Variants in ZNF571 observed in about 807,000 individuals in gnomAD.
ZNF571 encodes the protein zinc finger protein 571.
In ZNF571, 4 loss-of-function variants were observed where a neutral mutation model predicts 7.7. That is an observed-to-expected ratio of 0.52 (90% CI 0.25 to 1.18). The LOEUF is 1.18. Among genes scored for constraint, ZNF571 ranks in the 50% most tolerant of loss-of-function variants. The pLI is 0.14. For missense variants in ZNF571, 704 were observed against 726.9 expected, an observed-to-expected ratio of 0.97 and a Z score of 0.36; for synonymous variants, 251 against 232.4, an observed-to-expected ratio of 1.08 and a Z score of -0.73.
In ZNF571 at chr19:37,579,206, GC is replaced by G. The variant is rs2043357344; in HGVS notation, c.136+4764del. The stretch of plus-strand genomic sequence containing the variant: ...ACCTGTCCCACCTCCCCACATCATA[GC>G]CAGCACCTGAACTCTGGGCTAGCCC... On this transcript the variant is annotated intron_variant, in intron 3 of 3. Transcript: ENST00000451802. Among the ~76,000 whole-genome samples the G allele has an allele frequency of 1.3e-5, 2 of 152,202 alleles. 1 individual carries two copies. Among genetic ancestry groups the G allele is most frequent in the South Asian group, 4.1e-4 (2 of 4,832 alleles).
intron 1 of ZNF571, among the ~76,000 whole-genome samples, chr19:37,591,728 G>A (rs1396733551): frequency 6.6e-6 from 1 of 151,980 alleles, no homozygotes; most frequent in African/African-American, 2.4e-5. Flanking sequence ...ATTTTTAGTA[G>A]AGACGGGGTT....
rs1315277277 is a variant in ZNF571 at position 37,565,854 on chromosome 19, C to T, written c.574G>A (p.Glu192Lys). The change falls in exon 4 of 4, where the codon GAG (glutamate) becomes AAG (lysine). Residue 192 changes from glutamate (E) to lysine (K), a missense_variant. Physicochemically the swap from Glu to Lys is moderately conservative, Grantham distance 56. Transcript: ENST00000451802. ...YIQHQRIQTGEKPYECMECGK... is the reference protein window; with the variant it reads ...YIQHQRIQTGKKPYECMECGK... ...CATTCCATACACTCATAAGGTTTCT[C>T]ACCAGTCTGAATTCTCTGATGTTGA... 6.2e-7 allele frequency: 1 copy of T among 1,613,900 alleles called. No individual in the cohort carries two copies. The highest frequency in any genetic ancestry group is 8.5e-7 in the Non-Finnish European group (1 of 1,179,874).
rs1168780190 is a variant in ZNF571 at position 37,586,710 on chromosome 19, TCTC to T, written c.-37_-35del. The T allele has an allele frequency of 5.6e-6, 9 of 1,613,726 alleles. No homozygotes were observed. The African/African-American group carries it at 9.3e-5, about 17-fold the overall frequency. ...AGAACTGATCAATTTTCTGGGTTCTTCTCCTGGAGGTGTGCAAAGTCCAGAGAA... is the reference window on the plus strand; with the variant it reads ...AGAACTGATCAATTTTCTGGGTTCTTCTGGAGGTGTGCAAAGTCCAGAGAA... On this transcript the variant is annotated 5_prime_UTR_variant, in exon 2 of 4. Coordinates refer to ENST00000451802, the MANE Select transcript of ZNF571 (RefSeq NM_016536.5).
At position 37,564,350 on chromosome 19, in the gene ZNF571, T is replaced by C. The variant is rs1283570546; in HGVS notation, c.*248A>G. The C allele has an allele frequency of 5.9e-6, 2 of 339,188 alleles. No homozygotes were observed. The highest frequency in any genetic ancestry group is 4.6e-5 in the East Asian group (1 of 21,670). 21.0% of individuals were successfully genotyped at this position (339,188 alleles called of 1,614,324 possible). A position where few individuals can be genotyped will look rare whatever the true frequency, so the allele number is the denominator to read the frequency against. ...TAGAAAAGAACACACAAGAAATATA[T>C]AGGATTTCAGTTAGGATATGGTGAA... is the stretch of plus-strand genomic sequence containing the variant. On this transcript the variant is annotated 3_prime_UTR_variant, in exon 4 of 4. Transcript: ENST00000451802.
chr19:37,576,890 A>G (rs1296962548), intron 3 of ZNF571, among the ~76,000 whole-genome samples: 4 of 152,134 alleles, frequency 2.6e-5, no homozygotes, highest in Admixed American at 2.6e-4. Flanking sequence ...AACACAAAGG[A>G]CTTGGCAGTG....
At chr19:37,584,950 C>G (rs928063822) in intron 2 of ZNF571, 1 of 137,836 alleles carries the variant, frequency 7.3e-6, no homozygotes, top group Non-Finnish European at 1.5e-5. Flanking sequence ...GGCCACAGAG[C>G]GAGACTCCGT....
intron 1 of ZNF571, among the ~76,000 whole-genome samples, chr19:37,592,280 A>C (rs2043890240): frequency 1.3e-5 from 2 of 152,174 alleles, no homozygotes; most frequent in Admixed American, 6.5e-5. Flanking sequence ...CTTGGTATCA[A>C]TCATAAGTGG....
intron 1 of ZNF571, among the ~76,000 whole-genome samples, chr19:37,590,172 C>T (rs1307235276): frequency 6.6e-6 from 1 of 151,842 alleles, no homozygotes; most frequent in Non-Finnish European, 1.5e-5. Context: ...TTCAGGAGGC[C>T]AAGGCGGGTG....
intron 3 of ZNF571, among the ~76,000 whole-genome samples, chr19:37,572,929 C>T (rs2147169349): frequency 6.6e-6 from 1 of 150,588 alleles, no homozygotes; most frequent in East Asian, 2.0e-4. Context: ...GAATGACTTT[C>T]AAACTTTAAA....
rs4803251 is a variant in ZNF571 at position 37,569,627 on chromosome 19, T to C, written c.137-3336A>G. ...CTTATAACCTACTAGGTTGTATTCA[T>C]AACCTCTAGCAGGTTCTGCCCGGCC... On this transcript the variant is annotated intron_variant, in intron 3 of 3. Transcript: ENST00000451802. The surrounding 1 kb of genome is among the most constrained non-coding windows in gnomAD (Gnocchi z 4.4). Among the ~76,000 whole-genome samples the C allele has an allele frequency of 6.5e-4, 99 of 152,308 alleles. No individual in the cohort carries two copies. Among genetic ancestry groups the C allele is most frequent in the Middle Eastern group, 3.4e-3 (1 of 294 alleles).
Position 37,564,798 on chromosome 19 carries a change from G to C in ZNF571, c.1630C>G (p.His544Asp). The C allele has an allele frequency of 9.3e-6, 15 of 1,613,882 alleles. No individual in the cohort carries two copies. Among genetic ancestry groups the C allele is most frequent in the African/African-American group, 1.3e-5 (1 of 74,994 alleles). ...TGAGTTCTCAGATGTTCAGTAAGGT[G>C]TGAGCCACGAATAAAAGCCTTCCCA... is the stretch of plus-strand genomic sequence containing the variant. ...QCGKAFIRGS[H>D]LTEHLRTHTG... Residue 544 changes from histidine to aspartate, a missense_variant, in exon 4 of 4, where the codon CAC becomes GAC. His to Asp is a moderately conservative substitution (Grantham distance 81). Coordinates refer to ENST00000451802, the MANE Select transcript of ZNF571 (RefSeq NM_016536.5).
intron 1 of ZNF571, among the ~76,000 whole-genome samples, chr19:37,587,613 A>G (rs962572236): frequency 1.3e-5 from 2 of 150,708 alleles, no homozygotes; most frequent in African/African-American, 4.9e-5. Flanking sequence ...TTTTGGTAGC[A>G]TTGATCTTGC....
intron 3 of ZNF571, among the ~76,000 whole-genome samples, chr19:37,573,445 G>A (rs1568348132): frequency 6.6e-6 from 1 of 152,076 alleles, no homozygotes; most frequent in Non-Finnish European, 1.5e-5. Context: ...AGTGACAGAG[G>A]GCTCAACACT....
At chr19:37,568,483 C>G (rs1359527390) in intron 3 of ZNF571, among the ~76,000 whole-genome samples, 1 of 151,756 alleles carries the variant, frequency 6.6e-6, no homozygotes, top group Non-Finnish European at 1.5e-5. Flanking sequence ...ATTAAGGGAA[C>G]ACTATAAGGA....
chr19:37,578,927 G>T (rs1256046644), intron 3 of ZNF571, among the ~76,000 whole-genome samples: 1 of 152,160 alleles, frequency 6.6e-6, no homozygotes, highest in Non-Finnish European at 1.5e-5. Flanking sequence ...AAACAGTGAA[G>T]TTCGGCATTG....
At chr19:37,584,225 G>A (rs1407374178) in intron 2 of ZNF571, 128 bp from the exon 3 acceptor site, 1 of 1,315,152 alleles carries the variant, frequency 7.6e-7, no homozygotes, top group Non-Finnish European at 1.1e-6. Flanking sequence ...TGCCTAAACA[G>A]TAGTATTAAC....
rs368321135 is a variant in ZNF571 at position 37,574,816 on chromosome 19, A to G, written c.137-8525T>C. ...ACTTTTACTGGCTATACTCCTAGCT[A>G]TCTAATTTCCCAGAGTAATCTCAGT... On this transcript the variant is annotated intron_variant, in intron 3 of 3. Coordinates refer to ENST00000451802, the MANE Select transcript of ZNF571 (RefSeq NM_016536.5). Among the ~76,000 whole-genome samples, 38 of 152,326 alleles carry G rather than the reference A, an allele frequency of 2.5e-4. No homozygotes were observed. The East Asian group carries it at 3.7e-3, about 15-fold the overall frequency.
At chr19:37,570,979 TC>T (rs1316690386) in intron 3 of ZNF571, among the ~76,000 whole-genome samples, 1 of 152,200 alleles carries the variant, frequency 6.6e-6, no homozygotes, top group East Asian at 1.9e-4. Context: ...TAATTTTAAA[TC>T]TACTAACAGT....
chr19:37,567,184 C>G (rs1056919285), intron 3 of ZNF571, among the ~76,000 whole-genome samples: 12 of 152,174 alleles, frequency 7.9e-5, no homozygotes, highest in African/African-American at 2.7e-4. Flanking sequence ...AATGGATATA[C>G]CATTTCTAAA....
Sources: allele counts gnomAD v4.1 joint callset (sites outside exome capture counted in the v4.1 genomes callset), GRCh38; gene constraint gnomAD v4.1.1; non-coding constraint Gnocchi (gnomAD v3.1); transcripts MANE v1.5; gene names NCBI Gene and HGNC (gene_info 2026-07-23, HGNC 2026-07-21).